VPS13B: variants seen among roughly 807,000 people sequenced by gnomAD.
VPS13B encodes vacuolar protein sorting 13 homolog B.
In VPS13B, 285 loss-of-function variants were observed where a neutral mutation model predicts 426.4. That is an observed-to-expected ratio of 0.67 (90% CI 0.61 to 0.74). The LOEUF (loss-of-function observed/expected upper bound fraction) is 0.74. Among genes scored for constraint, VPS13B ranks in the 30% least tolerant of loss-of-function variants. VPS13B has a pLI of 0.00. For missense variants in VPS13B, 4,537 were observed against 4,782.6 expected (o/e 0.95, Z 1.51); for synonymous variants, 1,676 against 1,676.4 (o/e 1.00, Z 0.01).
intron 42 of VPS13B, among the ~76,000 whole-genome samples, chr8:99,782,233 A>T (rs1812057667): frequency 1.3e-5 from 2 of 152,066 alleles, no homozygotes; most frequent in African/African-American, 4.8e-5. Flanking sequence ...TATAATTATA[A>T]TTTTACAAAT....
rs745337140 is a variant in VPS13B, at chr8:99,859,368, C to T, written c.10932C>T (p.Asn3644=). ...SPASLVRSIG[N]GVADFFRLPY... ...CAAGCCTGGTGAGAAGCATCGGGAA[C>T]GGGGTCGCCGACTTCTTCAGGCTTC... The change falls in exon 57 of 62, where the codon AAC becomes AAT. Residue 3644 remains asparagine (N), a synonymous_variant. Transcript: ENST00000357162. 146 of 1,613,972 alleles carry T rather than the reference C, an allele frequency of 9.0e-5. No homozygotes were observed. Among genetic ancestry groups the T allele is most frequent in the Admixed American group, 5.2e-4 (31 of 60,000 alleles).
chr8:99,864,277 C>G (rs1024286858), intron 58 of VPS13B, among the ~76,000 whole-genome samples: 2 of 152,350 alleles, frequency 1.3e-5, no homozygotes, highest in Middle Eastern at 3.4e-3. Context: ...AGGCCGGGTA[C>G]ATGGCTCACA....
At chr8:99,529,906 AAATATTACCACTAGTTGCT>A (rs1822842268) in intron 30 of VPS13B, among the ~76,000 whole-genome samples, 1 of 152,212 alleles carries the variant, frequency 6.6e-6, no homozygotes, top group Non-Finnish European at 1.5e-5. Flanking sequence ...CCTATACTTT[AAATATTACCACTAGTTGCT>A]TCTTTACATA....
chr8:99,410,831 G>C (rs914324731), intron 21 of VPS13B, among the ~76,000 whole-genome samples: 2 of 152,082 alleles, frequency 1.3e-5, no homozygotes, highest in African/African-American at 2.4e-5. Flanking sequence ...TTCTGTTCTT[G>C]TGTTAGTTTG....
Position 99,192,860 on chromosome 8 carries a change from C to T in VPS13B, c.2334-16C>T, listed in dbSNP as rs1221712204. 1.2e-6 allele frequency: 2 copies of T among 1,611,788 alleles called. No homozygotes were observed. Among genetic ancestry groups the T allele is most frequent in the Non-Finnish European group, 1.7e-6 (2 of 1,179,560 alleles). On this transcript the variant is annotated splice_polypyrimidine_tract_variant and intron_variant, in intron 16 of 61. Transcript: ENST00000357162. ...GCTATTTACTGTATTGCGATTCTTT[C>T]TGTTTTCTTGTGCAGGACCAAAAGA...
chr8:99,863,147 C>T (rs1248981654), intron 58 of VPS13B, among the ~76,000 whole-genome samples: 1 of 152,110 alleles, frequency 6.6e-6, no homozygotes, highest in African/African-American at 2.4e-5. Context: ...CTGGTGATAC[C>T]ATTGTTAGAA....
At chr8:99,287,407 C>T (rs1415453879) in intron 19 of VPS13B, among the ~76,000 whole-genome samples, 4 of 151,836 alleles carry the variant, frequency 2.6e-5, no homozygotes, top group African/African-American at 9.7e-5. Context: ...CAAGCCTCAC[C>T]AAAGTAACAT....
At chr8:99,294,724 T>A (rs988345215) in intron 19 of VPS13B, among the ~76,000 whole-genome samples, 2 of 152,164 alleles carry the variant, frequency 1.3e-5, no homozygotes, top group Non-Finnish European at 2.9e-5. Flanking sequence ...ATTTGATTGT[T>A]TCTTAATCTG....
chr8:99,490,728 C>CT (rs1820561969), intron 25 of VPS13B, among the ~76,000 whole-genome samples: 1 of 152,112 alleles, frequency 6.6e-6, no homozygotes, highest in Non-Finnish European at 1.5e-5. Context: ...GTTTGTATTT[C>CT]TCTGGGATCG....
At position 99,031,467 on chromosome 8, in the gene VPS13B, G is replaced by A. The variant is rs547535118; in HGVS notation, c.148-6956G>A. 2.6e-5 allele frequency among the ~76,000 whole-genome samples: 4 copies of A among 151,980 alleles called. No individual in the cohort carries two copies. The East Asian group carries it at 7.7e-4, about 29-fold the overall frequency. On this transcript the variant is annotated intron_variant, in intron 2 of 61. Coordinates refer to ENST00000357162, the MANE Select transcript of VPS13B (RefSeq NM_152564.5). ...AGGTGTCATGTTTCCATGCCTTTTC[G>A]TGTTTCTTGTGTCCCTAGCTTGATA...
At chr8:99,014,110 CTT>C (rs1211028912) in intron 2 of VPS13B, among the ~76,000 whole-genome samples, 175 bp downstream of exon 2, 44 of 72,306 alleles carry the variant, frequency 6.1e-4, no homozygotes, top group African/African-American at 1.4e-3. Context: ...TTCTTTCTTT[CTT>C]TTTTTTTTTT....
intron 33 of VPS13B, among the ~76,000 whole-genome samples, chr8:99,582,611 T>C (rs1338830178): frequency 6.6e-6 from 1 of 152,192 alleles, no homozygotes. Context: ...ATAATATTTC[T>C]TGTCATTTTA....
intron 17 of VPS13B, among the ~76,000 whole-genome samples, chr8:99,201,998 T>A (rs1814360366): frequency 6.6e-6 from 1 of 152,214 alleles, no homozygotes. Context: ...AAATATATTA[T>A]TGTTTGTGGG....
At chr8:99,044,351 G>T (rs947040275) in intron 3 of VPS13B, among the ~76,000 whole-genome samples, 4 of 151,696 alleles carry the variant, frequency 2.6e-5, no homozygotes, top group African/African-American at 9.7e-5. Context: ...CGAAAGTGCT[G>T]AGATTACAGG....
intron 19 of VPS13B, among the ~76,000 whole-genome samples, chr8:99,321,233 CAG>C (rs1809968671): frequency 8.5e-6 from 1 of 117,866 alleles, no homozygotes; most frequent in African/African-American, 3.3e-5. Flanking sequence ...TTTTTTGAGA[CAG>C]AGTCTTGCTC....
At chr8:99,330,926 A>C (rs1425983971) in intron 19 of VPS13B, among the ~76,000 whole-genome samples, 1 of 151,806 alleles carries the variant, frequency 6.6e-6, no homozygotes, top group African/African-American at 2.4e-5. Context: ...TTAGAGTATT[A>C]GGTGAAGTTG....
chr8:99,055,900 A>ATT (rs71273158), intron 3 of VPS13B, among the ~76,000 whole-genome samples: 2 of 107,854 alleles, frequency 1.9e-5, no homozygotes, highest in Admixed American at 9.4e-5. Context: ...TGGCTAATTA[A>ATT]TTTTTTTTTT....
intron 17 of VPS13B, among the ~76,000 whole-genome samples, chr8:99,194,931 C>T (rs1423443704): frequency 1.3e-5 from 2 of 152,022 alleles, no homozygotes; most frequent in Non-Finnish European, 2.9e-5. Context: ...CTGCAACCTC[C>T]GCCTCCCAGG....
chr8:99,128,429 T>G (rs1230622488), intron 8 of VPS13B, among the ~76,000 whole-genome samples: 1 of 143,628 alleles, frequency 7.0e-6, no homozygotes, highest in Non-Finnish European at 1.5e-5. Context: ...AAAAAAAAAT[T>G]TGTTGTTTCT....
Sources: allele counts gnomAD v4.1 joint callset (sites outside exome capture counted in the v4.1 genomes callset), GRCh38; gene constraint gnomAD v4.1.1; transcripts MANE v1.5; gene names NCBI Gene and HGNC (gene_info 2026-07-23, HGNC 2026-07-21).